The following SMC4 variants were observed in gnomAD, a reference collection of about 807,000 sequenced individuals.
SMC4 encodes the protein structural maintenance of chromosomes 4.
Under a neutral mutation model 145.6 loss-of-function variants are expected in SMC4, and 87 were observed. The ratio of observed to expected loss-of-function variants is 0.60; its 90% CI spans 0.50 to 0.71. The LOEUF (loss-of-function observed/expected upper bound fraction) is 0.71, where lower values mean the gene tolerates loss of function less well. SMC4 is among the 30% of genes least tolerant of loss of function. The pLI, the probability that SMC4 is intolerant of heterozygous loss-of-function variation, is 0.00. For missense variants in SMC4, 1,447 were observed against 1,537.1 expected (o/e 0.94, Z 0.98); for synonymous variants, 558 against 500.7 (o/e 1.11, Z -1.53).
Position 160,416,419 on chromosome 3 carries a change from A to AG in SMC4, c.1437+5dup, listed in dbSNP as rs775610739. 1.4e-6 allele frequency: 2 copies of AG among 1,443,976 alleles called. No individual in the cohort carries two copies. Among genetic ancestry groups the AG allele is most frequent in the Admixed American group, 2.4e-5 (1 of 41,798 alleles). 89.4% of individuals were successfully genotyped at this position (1,443,976 alleles called of 1,614,324 possible). ...AGGGCTTCAGAAAGAAAAAGAAGTA[A>AG]GTTTTTTTTTTTTATCAGTGTTTAT... On this transcript the variant is annotated splice_donor_region_variant and intron_variant, in intron 10 of 23. Transcript: ENST00000357388.
At chr3:160,410,400 T>C (rs916568426) in intron 5 of SMC4, among the ~76,000 whole-genome samples, 1 of 152,228 alleles carries the variant, frequency 6.6e-6, no homozygotes, top group African/African-American at 2.4e-5. Flanking sequence ...TTAACGTTCA[T>C]CCTGTGTAAT....
chr3:160,414,233 A>G, intron 8 of SMC4, 134 bp from the exon 9 acceptor site: 1 of 750,980 alleles, frequency 1.3e-6, no homozygotes, highest in Non-Finnish European at 2.4e-6. Flanking sequence ...TCATCTTGGA[A>G]TAAGGAGAGT....
chr3:160,420,777 C>G lies in SMC4; in HGVS notation c.1895C>G (p.Ala632Gly). Residue 632 changes from alanine (A) to glycine (G), a missense_variant, in exon 13 of 24, where the codon GCT becomes GGT. Transcript: ENST00000357388. Reference sequence around the variant, plus strand: ...GCCATTGATGAAAAATACGACGTGGCTATATCATCCTGTTGTCATGCACTG... The same window carrying G: ...GCCATTGATGAAAAATACGACGTGGGTATATCATCCTGTTGTCATGCACTG... ...LGAIDEKYDV[A>G]ISSCCHALDY... The G allele has an allele frequency of 6.2e-7, 1 of 1,613,796 alleles. No individual in the cohort carries two copies. Among genetic ancestry groups the G allele is most frequent in the Non-Finnish European group, 8.5e-7 (1 of 1,179,912 alleles).
At chr3:160,414,560 T>C in intron 9 of SMC4, 43 bp downstream of exon 9, 1 of 1,544,504 alleles carries the variant, frequency 6.5e-7, no homozygotes, top group South Asian at 1.1e-5. Flanking sequence ...CGTCTGAATA[T>C]CATACCTAGT....
At chr3:160,409,006 GCTGT>G (rs1715655438) in intron 5 of SMC4, among the ~76,000 whole-genome samples, 1 of 151,984 alleles carries the variant, frequency 6.6e-6, no homozygotes, top group South Asian at 2.1e-4. Flanking sequence ...TCTTAAGACT[GCTGT>G]AATCCCAGCA....
intron 5 of SMC4, among the ~76,000 whole-genome samples, chr3:160,406,085 GA>G (rs1715300956): frequency 2.0e-5 from 3 of 152,028 alleles, no homozygotes; most frequent in Non-Finnish European, 4.4e-5. Context: ...TTGTCCCAAC[GA>G]AGTAAATAAT....
chr3:160,429,401 T>TG (rs1718133060), intron 18 of SMC4, among the ~76,000 whole-genome samples: 1 of 152,214 alleles, frequency 6.6e-6, no homozygotes, highest in African/African-American at 2.4e-5. Flanking sequence ...TGGAGTGCAG[T>TG]GGCACAGTCA....
At chr3:160,412,833 C>G in intron 7 of SMC4, 1 of 983,692 alleles carries the variant, frequency 1.0e-6, no homozygotes. Flanking sequence ...TTTTAGTATC[C>G]TGCTTTAAGT....
At position 160,423,117 on chromosome 3, in the gene SMC4, T is replaced by C. The variant is rs9844711; in HGVS notation, c.2020-308T>C. Among the ~76,000 whole-genome samples the C allele has an allele frequency of 9.1e-3, 1,384 of 152,268 alleles. 19 individuals carry two copies. Among genetic ancestry groups the C allele is most frequent in the African/African-American group, 0.032 (1,312 of 41,556 alleles). Reference sequence around the variant, plus strand: ...GACTGTTCTGGGTCCCTATAATTTGTATATATGACTTTTAAGATCCAGATG... The same window carrying C: ...GACTGTTCTGGGTCCCTATAATTTGCATATATGACTTTTAAGATCCAGATG... On this transcript the variant is annotated intron_variant, in intron 13 of 23. Transcript: ENST00000357388.
intron 20 of SMC4, 110 bp from the exon 21 acceptor site, chr3:160,431,533 C>CA (rs1206057063): frequency 2.4e-6 from 2 of 845,096 alleles, no homozygotes; most frequent in Admixed American, 5.9e-5. Flanking sequence ...ATAAATCAGT[C>CA]ACAACTCCTG....
In SMC4 at chr3:160,402,808, G is replaced by T; in HGVS notation, c.451G>T (p.Glu151Ter). ...KLSVLIHNSD[E>*]HKDIQSCTVE... ...CTCAGTATTAATACATAATTCTGAT[G>T]AACACAAGGACATTCAGAGTTGTAC... The change falls in exon 4 of 24, where the codon GAA becomes TAA. Residue 151 changes from glutamate (E) to a stop codon, truncating the protein, a stop_gained. Transcript: ENST00000357388. LOFTEE classifies it high-confidence loss of function. 1 of 1,607,486 alleles carries T rather than the reference G, an allele frequency of 6.2e-7. No individual in the cohort carries two copies. The highest frequency in any genetic ancestry group is 1.1e-5 in the South Asian group (1 of 89,676).
intron 11 of SMC4, among the ~76,000 whole-genome samples, 182 bp downstream of exon 11, chr3:160,418,138 A>G (rs192958162): frequency 2.0e-5 from 3 of 152,272 alleles, no homozygotes; most frequent in East Asian, 1.9e-4. Context: ...TCAAGAAACT[A>G]TATTATCCCC....
rs1483448687 is a variant in SMC4, at chr3:160,424,912, A to G, written c.2371A>G (p.Met791Val). 4.3e-6 allele frequency: 7 copies of G among 1,614,160 alleles called. No homozygotes were observed. Among genetic ancestry groups the G allele is most frequent in the South Asian group, 1.1e-5 (1 of 91,082 alleles). Residue 791 changes from methionine (M) to valine (V), a missense_variant, in exon 16 of 24, where the codon ATG becomes GTG. Met to Val is a conservative substitution (Grantham distance 21, BLOSUM62 1). Coordinates refer to ENST00000357388, the MANE Select transcript of SMC4 (RefSeq NM_001002800.3). ...GTTGCAAAACGACTCTAAAAAAGCAATGCAAATCCAAGAACAGAAAGTACA... is the reference window on the plus strand; with the variant it reads ...GTTGCAAAACGACTCTAAAAAAGCAGTGCAAATCCAAGAACAGAAAGTACA... ...SQLQNDSKKA[M>V]QIQEQKVQLE...
chr3:160,430,286 T>C (rs914097501), intron 18 of SMC4, among the ~76,000 whole-genome samples: 2 of 152,128 alleles, frequency 1.3e-5, no homozygotes, highest in African/African-American at 4.8e-5. Flanking sequence ...TGTAGAGATT[T>C]AACAATCTCT....
chr3:160,433,341 GTATCA>G (rs1718625236), intron 23 of SMC4, 132 bp downstream of exon 23: 1 of 627,922 alleles, frequency 1.6e-6, no homozygotes, highest in Admixed American at 3.2e-5. Flanking sequence ...ATCTCCTCTG[GTATCA>G]GTGGAGACCA....
rs770366181 is a variant in SMC4 at position 160,402,115 on chromosome 3, T to C, written c.318+22T>C. ...TAAGGTATTTGTATGGAAATAACTA[T>C]TTTATAACTTTTTAAATAACTATTG... On this transcript the variant is annotated intron_variant, in intron 3 of 23. Coordinates refer to ENST00000357388, the MANE Select transcript of SMC4 (RefSeq NM_001002800.3). 1.2e-5 allele frequency: 17 copies of C among 1,404,804 alleles called. No individual in the cohort carries two copies. The South Asian group carries it at 2.1e-4, about 18-fold the overall frequency. 87.0% of individuals were successfully genotyped at this position (1,404,804 alleles called of 1,614,324 possible).
At position 160,434,746 on chromosome 3, in the gene SMC4, C is replaced by G. The variant is rs955337993; in HGVS notation, c.*937C>G. 6.6e-6 allele frequency: 1 copy of G among 152,136 alleles called. No individual in the cohort carries two copies. Among genetic ancestry groups the G allele is most frequent in the Non-Finnish European group, 1.5e-5 (1 of 68,022 alleles). 9.4% of individuals were successfully genotyped at this position (152,136 alleles called of 1,614,324 possible). A position where few individuals can be genotyped will look rare whatever the true frequency, so the allele number is the denominator to read the frequency against. Reference sequence around the variant, plus strand: ...GGCAACCACTTGGTTTTTGGAAGGACTTTCGGTATTGTATTAGAAGTCTGC... The same window carrying G: ...GGCAACCACTTGGTTTTTGGAAGGAGTTTCGGTATTGTATTAGAAGTCTGC... On this transcript the variant is annotated 3_prime_UTR_variant, in exon 24 of 24. Coordinates refer to ENST00000357388, the MANE Select transcript of SMC4 (RefSeq NM_001002800.3).
intron 6 of SMC4, 64 bp downstream of exon 6, chr3:160,412,148 G>C (rs1716059416): frequency 3.2e-6 from 5 of 1,542,638 alleles, no homozygotes; most frequent in Non-Finnish European, 4.4e-6. Flanking sequence ...ACAAATTTTA[G>C]TAAGTCAGAT....
chr3:160,404,448 A>G lies in SMC4; in HGVS notation c.631A>G (p.Asn211Asp). The stretch of plus-strand genomic sequence containing the variant: ...GAAAAAGACATTTAAGGATGTTGGA[A>G]ATCTTCTTCGAAGCCATGGAATTGA... ...GKKKTFKDVG[N>D]LLRSHGIDLD... The change falls in exon 5 of 24, where the codon AAT becomes GAT. Residue 211 changes from asparagine (N) to aspartate (D), a missense_variant. Physicochemically the swap from Asn to Asp is conservative, Grantham distance 23. Coordinates refer to ENST00000357388, the MANE Select transcript of SMC4 (RefSeq NM_001002800.3). The G allele has an allele frequency of 6.2e-7, 1 of 1,611,210 alleles. No individual in the cohort carries two copies. The highest frequency in any genetic ancestry group is 8.5e-7 in the Non-Finnish European group (1 of 1,179,110).
Sources: gnomAD v4.1 joint callset for allele counts (sites outside exome capture counted in the v4.1 genomes callset) on GRCh38, gnomAD v4.1.1 for gene constraint, MANE v1.5 for transcripts, NCBI Gene and HGNC (gene_info 2026-07-23, HGNC 2026-07-21) for gene names.